The following VMP1 variants were observed in gnomAD, a reference collection of about 807,000 sequenced individuals.
VMP1 encodes the protein ectopic P-granules autophagy protein 3 homolog.
A neutral mutation model predicts 56.0 loss-of-function variants in VMP1; 11 were observed. That is an observed-to-expected ratio of 0.20 (90% confidence interval 0.12 to 0.32). The LOEUF is 0.32. Ranked by LOEUF, VMP1 falls within the 10% of genes least tolerant of loss-of-function variation. VMP1 has a pLI of 1.00. For synonymous variants in VMP1, 149 were observed against 165.0 expected (o/e 0.90, Z 0.74); for missense variants, 296 against 490.3 (o/e 0.60, Z 3.74).
rs868279112 is a variant in VMP1, at chr17:59,778,549, A to G, written c.714+4664A>G. Among the ~76,000 whole-genome samples the G allele has an allele frequency of 8.2e-3, 1,249 of 152,146 alleles. 21 individuals carry two copies. The highest frequency in any genetic ancestry group is 0.028 in the African/African-American group (1,171 of 41,492). On this transcript the variant is annotated intron_variant, in intron 7 of 11. Coordinates refer to ENST00000262291, the MANE Select transcript of VMP1 (RefSeq NM_030938.5). ...GAGCGAGACTCTGTCTCAAAAAAAA[A>G]AAAAAAAGAATAAGGCACTTAAAAG... is the stretch of plus-strand genomic sequence containing the variant.
chr17:59,816,025 C>T (rs186770506), intron 9 of VMP1, among the ~76,000 whole-genome samples: 8 of 152,220 alleles, frequency 5.3e-5, no homozygotes, highest in African/African-American at 1.7e-4. Context: ...AGGGCTCTTC[C>T]GTGGTCTGTG....
chr17:59,808,674 T>G, intron 7 of VMP1, 122 bp from the exon 8 acceptor site: 6 of 713,620 alleles, frequency 8.4e-6, no homozygotes, highest in Non-Finnish European at 1.4e-5. Context: ...TGTAATTTTT[T>G]TCATCATTCA....
intron 10 of VMP1, among the ~76,000 whole-genome samples, chr17:59,818,055 G>C (rs1457756290): frequency 6.6e-6 from 1 of 152,076 alleles, no homozygotes; most frequent in African/African-American, 2.4e-5. Context: ...CCCCACCAAA[G>C]AAATAAGAAA....
intron 7 of VMP1, among the ~76,000 whole-genome samples, chr17:59,797,275 T>G (rs937983033): frequency 4.8e-5 from 7 of 145,824 alleles, no homozygotes; most frequent in African/African-American, 1.8e-4. Flanking sequence ...GAGCAGAGGT[T>G]GCAGTGAGCC....
chr17:59,792,763 C>T (rs1481187330), intron 7 of VMP1, among the ~76,000 whole-genome samples: 1 of 151,314 alleles, frequency 6.6e-6, no homozygotes, highest in Non-Finnish European at 1.5e-5. Flanking sequence ...GCAGGAGAAT[C>T]GCTTGAACCC....
At chr17:59,737,987 G>A (rs778629919) in intron 4 of VMP1, among the ~76,000 whole-genome samples, 8 of 152,064 alleles carry the variant, frequency 5.3e-5, no homozygotes, top group African/African-American at 1.7e-4. Context: ...GGCCAGGCTG[G>A]TCTCAAACTC....
chr17:59,747,530 T>C (rs2035470601), intron 5 of VMP1, among the ~76,000 whole-genome samples: 1 of 151,490 alleles, frequency 6.6e-6, no homozygotes, highest in Non-Finnish European at 1.5e-5. Context: ...CTGCCTCAGC[T>C]TAGCAGGTAG....
At chr17:59,768,171 A>AT (rs2036297532) in intron 6 of VMP1, among the ~76,000 whole-genome samples, 2 of 152,192 alleles carry the variant, frequency 1.3e-5, no homozygotes, top group South Asian at 4.1e-4. Context: ...ATGTCAATAA[A>AT]TACTGATTAA....
At chr17:59,778,183 T>C (rs995959008) in intron 7 of VMP1, among the ~76,000 whole-genome samples, 41 of 152,216 alleles carry the variant, frequency 2.7e-4, no homozygotes, top group African/African-American at 9.4e-4. Context: ...TTTCTGTTTG[T>C]TCAATTTGGA....
Position 59,841,271 on chromosome 17 carries a change from G to T in VMP1, c.*1360G>T. 2.0e-6 allele frequency: 1 copy of T among 504,674 alleles called. No individual in the cohort carries two copies. The highest frequency in any genetic ancestry group is 1.5e-5 in the South Asian group (1 of 68,908). The allele number at this position is 504,674 out of a possible 1,614,324, so 31.3% of individuals were successfully genotyped here. A position where few individuals can be genotyped will look rare whatever the true frequency, so the allele number is the denominator to read the frequency against. The stretch of plus-strand genomic sequence containing the variant: ...TCTCCATGGCTGTACCACCTTGTCG[G>T]GTAGCTTATCAGACTGATGTTGACT... On this transcript the variant is annotated 3_prime_UTR_variant, in exon 12 of 12. Coordinates refer to ENST00000262291, the MANE Select transcript of VMP1 (RefSeq NM_030938.5).
At chr17:59,832,761 A>ATTTTTT (rs71145580) in intron 10 of VMP1, among the ~76,000 whole-genome samples, 25 of 101,348 alleles carry the variant, frequency 2.5e-4, no homozygotes, top group Non-Finnish European at 3.2e-4. Flanking sequence ...GCCTGGCAAT[A>ATTTTTT]TTTTTTTTTT....
chr17:59,736,715 G>T (rs963253883), intron 3 of VMP1, among the ~76,000 whole-genome samples: 2 of 151,428 alleles, frequency 1.3e-5, no homozygotes, highest in Non-Finnish European at 1.5e-5. Context: ...CTGCACTCCA[G>T]CCTGGGTGAC....
intron 7 of VMP1, among the ~76,000 whole-genome samples, chr17:59,779,783 C>CCCTA (rs2036755221): frequency 6.6e-6 from 1 of 152,136 alleles, no homozygotes; most frequent in African/African-American, 2.4e-5. Context: ...CCATAGCACA[C>CCCTA]CCTACATTGG....
At chr17:59,829,724 A>G (rs948098909) in intron 10 of VMP1, among the ~76,000 whole-genome samples, 2 of 152,118 alleles carry the variant, frequency 1.3e-5, no homozygotes, top group Non-Finnish European at 2.9e-5. Flanking sequence ...CTTGTTGCTG[A>G]TCTTCTCCCA....
At chr17:59,787,475 A>G (rs774963985) in intron 7 of VMP1, among the ~76,000 whole-genome samples, 1 of 152,168 alleles carries the variant, frequency 6.6e-6, no homozygotes, top group Non-Finnish European at 1.5e-5. Flanking sequence ...TTCTTTTTAC[A>G]TGCGCATTTC....
chr17:59,762,740 C>T (rs1476193214), intron 5 of VMP1, among the ~76,000 whole-genome samples: 3 of 152,054 alleles, frequency 2.0e-5, no homozygotes, highest in Non-Finnish European at 4.4e-5. Context: ...GAACAGACTT[C>T]TTTAGAAGAA....
At chr17:59,828,875 G>T (rs1357982239) in intron 10 of VMP1, among the ~76,000 whole-genome samples, 1 of 152,174 alleles carries the variant, frequency 6.6e-6, no homozygotes, top group Non-Finnish European at 1.5e-5. Flanking sequence ...CAGCATTTTG[G>T]GAGGTCAAGG....
At chr17:59,839,556 C>T (rs2039091362) in intron 11 of VMP1, 1 of 572,260 alleles carries the variant, frequency 1.7e-6, no homozygotes, top group Non-Finnish European at 3.0e-6. Flanking sequence ...TGTGATTCAA[C>T]ACTGATTTTA....
At position 59,737,482 on chromosome 17, in the gene VMP1, C is replaced by CT. The variant is rs1301486648; in HGVS notation, c.248dup (p.Leu83PhefsTer14). 1.2e-6 allele frequency: 2 copies of CT among 1,611,332 alleles called. No homozygotes were observed. Among genetic ancestry groups the CT allele is most frequent in the East Asian group, 2.2e-5 (1 of 44,730 alleles). Reference sequence around the variant, plus strand: ...TGGCATCGTCAAAGCATTGTGGTGTCTTTTTTACTGCTGCTTGCTGTGCTT... The same window carrying CT: ...TGGCATCGTCAAAGCATTGTGGTGTCTTTTTTTACTGCTGCTTGCTGTGCTT... On this transcript the variant is annotated frameshift_variant, in exon 4 of 12. Coordinates refer to ENST00000262291, the MANE Select transcript of VMP1 (RefSeq NM_030938.5). LOFTEE classifies it high-confidence loss of function.
Sources: allele counts gnomAD v4.1 joint callset (sites outside exome capture counted in the v4.1 genomes callset), GRCh38; gene constraint gnomAD v4.1.1; transcripts MANE v1.5; gene names NCBI Gene and HGNC (gene_info 2026-07-23, HGNC 2026-07-21).